Variants in CNTNAP2 observed in about 807,000 individuals in gnomAD.
The protein encoded by CNTNAP2 is contactin-associated protein-like 2.
Under a neutral mutation model 155.2 loss-of-function variants are expected in CNTNAP2, and 98 were observed. The observed-to-expected ratio is 0.63, with a 90% CI of 0.54 to 0.75. The LOEUF (loss-of-function observed/expected upper bound fraction) is 0.75, where lower values mean the gene tolerates loss of function less well. CNTNAP2 is among the 30% of genes least tolerant of loss of function. The pLI is 0.00. For synonymous variants in CNTNAP2, 651 were observed against 631.2 expected (o/e 1.03, Z -0.47); for missense variants, 1,727 against 1,688.1 (o/e 1.02, Z -0.40).
At chr7:148,112,126 G>A (rs1007549239) in intron 15 of CNTNAP2, among the ~76,000 whole-genome samples, 1 of 152,188 alleles carries the variant, frequency 6.6e-6, no homozygotes, top group Non-Finnish European at 1.5e-5. Context: ...GGCCTGATGT[G>A]TGCAATGTTG....
chr7:147,950,676 A>C (rs1296561783), intron 14 of CNTNAP2, among the ~76,000 whole-genome samples: 1 of 152,192 alleles, frequency 6.6e-6, no homozygotes, highest in Non-Finnish European at 1.5e-5. Flanking sequence ...ATATAACCTC[A>C]AAGCATGCCA....
chr7:147,544,134 T>G (rs1799687234), intron 11 of CNTNAP2, among the ~76,000 whole-genome samples: 1 of 152,174 alleles, frequency 6.6e-6, no homozygotes, highest in Non-Finnish European at 1.5e-5. Context: ...ACCAAAGCCA[T>G]CAGAGATCTG....
intron 1 of CNTNAP2, among the ~76,000 whole-genome samples, chr7:146,727,948 G>A (rs1437200274): frequency 2.6e-5 from 4 of 152,066 alleles, no homozygotes; most frequent in East Asian, 1.9e-4. Flanking sequence ...GAGCATTCTG[G>A]TTGTCAGAAA....
intron 13 of CNTNAP2, among the ~76,000 whole-genome samples, chr7:147,854,772 C>G (rs1169829630): frequency 6.6e-6 from 1 of 152,102 alleles, no homozygotes; most frequent in East Asian, 1.9e-4. Context: ...ACTTTGAAGT[C>G]TACTTGAAAC....
Position 147,534,644 on chromosome 7 carries a change from C to A in CNTNAP2, c.1778-27494C>A, listed in dbSNP as rs114248850. Among the ~76,000 whole-genome samples the A allele has an allele frequency of 7.5e-3, 1,148 of 152,192 alleles. 16 individuals are homozygous for A. Among genetic ancestry groups the A allele is most frequent in the African/African-American group, 0.026 (1,098 of 41,530 alleles). The stretch of plus-strand genomic sequence containing the variant: ...TTTCATAAAAAATAAATCTTTATTT[C>A]AAAGATGGGACTTTTAAAGTTTAAA... On this transcript the variant is annotated intron_variant, in intron 11 of 23. Coordinates refer to ENST00000361727, the MANE Select transcript of CNTNAP2 (RefSeq NM_014141.6).
chr7:146,982,408 C>T (rs546970981), intron 3 of CNTNAP2, among the ~76,000 whole-genome samples: 1 of 152,122 alleles, frequency 6.6e-6, no homozygotes, highest in East Asian at 1.9e-4. Flanking sequence ...GTTACTTACA[C>T]GAATGAAGCT....
chr7:147,496,609 TCCTC>T (rs1407807731), intron 11 of CNTNAP2: 5 of 152,170 alleles, frequency 3.3e-5, no homozygotes. Flanking sequence ...ATGAGATGCT[TCCTC>T]CCCTCAGGAG....
intron 1 of CNTNAP2, among the ~76,000 whole-genome samples, chr7:146,588,425 T>C (rs1432347273): frequency 6.6e-6 from 1 of 152,186 alleles, no homozygotes; most frequent in Non-Finnish European, 1.5e-5. Context: ...AAAATATTTT[T>C]CTGTCATTTC....
intron 1 of CNTNAP2, among the ~76,000 whole-genome samples, chr7:146,672,477 C>G (rs919412266): frequency 6.6e-6 from 1 of 152,182 alleles, no homozygotes; most frequent in African/African-American, 2.4e-5. Flanking sequence ...TGCATGCATT[C>G]TCTTGGCCAA....
intron 14 of CNTNAP2, among the ~76,000 whole-genome samples, chr7:147,904,762 A>G (rs1442190614): frequency 1.3e-5 from 2 of 152,210 alleles, no homozygotes; most frequent in Admixed American, 6.5e-5. Flanking sequence ...TACAAAGCCT[A>G]TCTATTTCAA....
At chr7:147,999,731 G>GCA (rs896267387) in intron 15 of CNTNAP2, among the ~76,000 whole-genome samples, 120 of 151,878 alleles carry the variant, frequency 7.9e-4, no homozygotes, top group African/African-American at 2.9e-3. Context: ...AAGAGAAAGC[G>GCA]CACACACACA....
chr7:147,111,715 C>T (rs1045335680), intron 5 of CNTNAP2, among the ~76,000 whole-genome samples: 1 of 151,892 alleles, frequency 6.6e-6, no homozygotes, highest in Non-Finnish European at 1.5e-5. Flanking sequence ...ATACTGTGTC[C>T]CATTGGTCTA....
intron 16 of CNTNAP2, among the ~76,000 whole-genome samples, chr7:148,141,378 T>G (rs757069599): frequency 6.6e-6 from 1 of 152,252 alleles, no homozygotes; most frequent in Non-Finnish European, 1.5e-5. Context: ...AGCATGCTCT[T>G]AGACTGAGAA....
At chr7:147,115,961 T>A (rs1800978951) in intron 5 of CNTNAP2, among the ~76,000 whole-genome samples, 1 of 152,176 alleles carries the variant, frequency 6.6e-6, no homozygotes, top group Admixed American at 6.5e-5. Context: ...CTACCTTCAA[T>A]GTTTGAAGTT....
At chr7:147,056,369 T>G (rs1275374608) in intron 4 of CNTNAP2, among the ~76,000 whole-genome samples, 1 of 152,134 alleles carries the variant, frequency 6.6e-6, no homozygotes, top group Non-Finnish European at 1.5e-5. Flanking sequence ...AATGTTTTAT[T>G]AAGGGAAAAA....
At chr7:146,479,010 T>C (rs1484752790) in intron 1 of CNTNAP2, among the ~76,000 whole-genome samples, 3 of 152,176 alleles carry the variant, frequency 2.0e-5, no homozygotes, top group Admixed American at 6.5e-5. Context: ...TTATTTAGTA[T>C]TGAAGTAGGA....
chr7:147,203,917 C>T (rs6966651), intron 8 of CNTNAP2, among the ~76,000 whole-genome samples: 16,388 of 151,858 alleles, frequency 0.11, 915 homozygotes, highest in Non-Finnish European at 0.13. Flanking sequence ...TGATAATTAA[C>T]GTAGTAGGGA....
intron 21 of CNTNAP2, among the ~76,000 whole-genome samples, chr7:148,372,118 C>T (rs1022388066): frequency 2.6e-5 from 4 of 151,944 alleles, no homozygotes; most frequent in African/African-American, 4.8e-5. Context: ...AGGAGCATCG[C>T]GTGAACCTGG....
chr7:147,984,217 C>T (rs186044311), intron 15 of CNTNAP2, among the ~76,000 whole-genome samples: 67 of 152,228 alleles, frequency 4.4e-4, no homozygotes, highest in African/African-American at 1.5e-3. Context: ...GGGTTTTAGC[C>T]GGCTTCTTTA....
Sources: allele counts gnomAD v4.1 joint callset (sites outside exome capture counted in the v4.1 genomes callset), GRCh38; gene constraint gnomAD v4.1.1; transcripts MANE v1.5; gene names NCBI Gene and HGNC (gene_info 2026-07-23, HGNC 2026-07-21).